BPI: variants seen among roughly 807,000 people sequenced by gnomAD.
BPI encodes bactericidal permeability-increasing protein.
Under a neutral mutation model 57.6 loss-of-function variants are expected in BPI, and 48 were observed. The ratio of observed to expected loss-of-function variants is 0.83; its 90% confidence interval spans 0.66 to 1.06. The LOEUF (loss-of-function observed/expected upper bound fraction) is 1.06. Ranked by LOEUF, BPI falls within the 50% of genes least tolerant of loss-of-function variation. BPI has a pLI of 0.00. For missense variants in BPI, 651 were observed against 609.7 expected (o/e 1.07, Z -0.71); for synonymous variants, 237 against 238.2 (o/e 0.99, Z 0.05).
In BPI at chr20:38,310,626, C is replaced by G. The variant is rs752215717; in HGVS notation, c.510C>G (p.His170Gln). The G allele has an allele frequency of 8.7e-6, 14 of 1,613,718 alleles. No individual in the cohort carries two copies. Among genetic ancestry groups the G allele is most frequent in the Non-Finnish European group, 1.2e-5 (14 of 1,179,732 alleles). The change falls in exon 4 of 15, where the codon CAC becomes CAG. Residue 170 changes from histidine (H) to glutamine (Q), a missense_variant. Coordinates refer to ENST00000642449, the MANE Select transcript of BPI (RefSeq NM_001725.3). The part of the protein sequence containing the change: ...SSCSSHINSV[H>Q]VHISKSKVGW... ...GCAGCAGCCACATCAACAGTGTCCA[C>G]GTGCACATCTCAAAGAGCAAAGTGG...
intron 12 of BPI, among the ~76,000 whole-genome samples, chr20:38,332,097 A>G (rs1475916610): frequency 6.6e-6 from 1 of 152,132 alleles, no homozygotes; most frequent in Non-Finnish European, 1.5e-5. Flanking sequence ...GTGTGTCTGG[A>G]GCAGAGCAAG....
intron 13 of BPI, 21 bp from the exon 14 acceptor site, chr20:38,335,577 C>T (rs1244025068): frequency 1.2e-6 from 2 of 1,608,440 alleles, no homozygotes; most frequent in African/African-American, 1.3e-5. Flanking sequence ...TCCTGGTCCT[C>T]ACCATCGGTC....
chr20:38,322,185 A>ATT (rs199673897), intron 7 of BPI, among the ~76,000 whole-genome samples: 5 of 150,886 alleles, frequency 3.3e-5, no homozygotes, highest in African/African-American at 1.2e-4. Context: ...TGGGCTTTCC[A>ATT]TTTTTTTTTC....
At position 38,317,144 on chromosome 20, in the gene BPI, C is replaced by G. The variant is rs572956746; in HGVS notation, c.601-1269C>G. 3.3e-4 allele frequency among the ~76,000 whole-genome samples: 50 copies of G among 152,234 alleles called. 1 individual carries two copies. Among genetic ancestry groups the G allele is most frequent in the African/African-American group, 1.2e-3 (48 of 41,536 alleles). On this transcript the variant is annotated intron_variant, in intron 5 of 14. Transcript: ENST00000642449. The stretch of plus-strand genomic sequence containing the variant: ...CTGGATTACTGAGGGAAAGGTCATT[C>G]GAGAGCAACATCAGGAGAGGGAGGG...
rs1181183638 is a variant in BPI, at chr20:38,304,164, G to A, written c.-60G>A. 2 of 1,606,688 alleles carry A rather than the reference G, an allele frequency of 1.2e-6. No homozygotes were observed. The highest frequency in any genetic ancestry group is 2.7e-5 in the African/African-American group (2 of 74,628). On this transcript the variant is annotated 5_prime_UTR_variant, in exon 1 of 15. Transcript: ENST00000642449. ...CATTTCCCCAGCCGACTCTTTTATA[G>A]CTCCCTGGTTCAACCTCAAGGCCTT...
chr20:38,323,135 C>G (rs1418493235), intron 7 of BPI, among the ~76,000 whole-genome samples: 1 of 152,140 alleles, frequency 6.6e-6, no homozygotes, highest in Non-Finnish European at 1.5e-5. Context: ...GCCTCTCCCC[C>G]CACCCCAGAA....
intron 10 of BPI, 137 bp from the exon 11 acceptor site, chr20:38,327,451 C>A: frequency 2.4e-6 from 2 of 845,404 alleles, no homozygotes; most frequent in Non-Finnish European, 3.8e-6. Flanking sequence ...TCTCCCCACT[C>A]CTCTGGCTCT....
At chr20:38,312,457 C>T (rs2076626418) in intron 5 of BPI, among the ~76,000 whole-genome samples, 1 of 152,244 alleles carries the variant, frequency 6.6e-6, no homozygotes, top group African/African-American at 2.4e-5. Context: ...AAACCCGCAA[C>T]CCACATACTT....
At chr20:38,311,190 G>A (rs907365765) in intron 4 of BPI, among the ~76,000 whole-genome samples, 1 of 152,210 alleles carries the variant, frequency 6.6e-6, no homozygotes, top group African/African-American at 2.4e-5. Context: ...ACCAAGGCAT[G>A]GAGAGATAGG....
rs1366213603 is a variant in BPI at position 38,319,388 on chromosome 20, A to G, written c.665-795A>G. ...CCTTCACTCCAGAGCCTGGGCTTTC[A>G]GCTGCTCTCAGGACTACCTTGCTGT... On this transcript the variant is annotated intron_variant, in intron 6 of 14. Coordinates refer to ENST00000642449, the MANE Select transcript of BPI (RefSeq NM_001725.3). Among the ~76,000 whole-genome samples the G allele has an allele frequency of 3.3e-5, 5 of 152,240 alleles. No homozygotes were observed. In the East Asian group the frequency reaches 7.7e-4, roughly 23 times the overall value.
At chr20:38,320,679 C>CACACAA (rs2076677316) in intron 7 of BPI, among the ~76,000 whole-genome samples, 1 of 151,190 alleles carries the variant, frequency 6.6e-6, no homozygotes, top group Non-Finnish European at 1.5e-5. Context: ...CACACACACA[C>CACACAA]ACACACACAC....
At chr20:38,324,489 C>G (rs112502995) in intron 8 of BPI, among the ~76,000 whole-genome samples, 1 of 152,144 alleles carries the variant, frequency 6.6e-6, no homozygotes, top group African/African-American at 2.4e-5. Flanking sequence ...GGAAATGGGG[C>G]ATCCTATGAG....
chr20:38,323,720 A>C, intron 7 of BPI, 150 bp from the exon 8 acceptor site: 1 of 811,382 alleles, frequency 1.2e-6, no homozygotes, highest in Middle Eastern at 3.0e-4. Context: ...AATGCCCAGG[A>C]GGCTTTTGAT....
intron 5 of BPI, among the ~76,000 whole-genome samples, chr20:38,315,996 C>T (rs2076650269): frequency 6.6e-6 from 1 of 151,974 alleles, no homozygotes; most frequent in African/African-American, 2.4e-5. Context: ...CCATGCCTGG[C>T]TAATTTTTGT....
chr20:38,305,326 G>A (rs994989921), intron 1 of BPI, among the ~76,000 whole-genome samples: 2 of 152,198 alleles, frequency 1.3e-5, no homozygotes, highest in Non-Finnish European at 2.9e-5. Flanking sequence ...CTCAGTCAGG[G>A]TCTTTAAGTT....
At position 38,331,035 on chromosome 20, in the gene BPI, C is replaced by T. The variant is rs1284554889; in HGVS notation, c.1230-13C>T. The T allele has an allele frequency of 5.0e-6, 8 of 1,613,884 alleles. No homozygotes were observed. The highest frequency in any genetic ancestry group is 6.8e-6 in the Non-Finnish European group (8 of 1,179,906). On this transcript the variant is annotated splice_polypyrimidine_tract_variant and intron_variant, in intron 11 of 14. Coordinates refer to ENST00000642449, the MANE Select transcript of BPI (RefSeq NM_001725.3). ...CAATTGGTGGTCTCAGTCCCCTCCT[C>T]CCCCTCTCACAGGCTGCTCCTGGAA... is the stretch of plus-strand genomic sequence containing the variant.
intron 11 of BPI, among the ~76,000 whole-genome samples, chr20:38,329,977 T>A (rs889490999): frequency 6.6e-6 from 1 of 152,172 alleles, no homozygotes; most frequent in African/African-American, 2.4e-5. Context: ...CTCCCAAAAG[T>A]GCTGGGATTA....
chr20:38,308,319 G>A (rs1395941982), intron 2 of BPI, among the ~76,000 whole-genome samples: 2 of 152,230 alleles, frequency 1.3e-5, no homozygotes, highest in Non-Finnish European at 2.9e-5. Context: ...GAAGATGGAC[G>A]TGAGGTCAAC....
intron 9 of BPI, 31 bp downstream of exon 9, chr20:38,324,864 C>A: frequency 1.3e-6 from 2 of 1,565,408 alleles, no homozygotes; most frequent in South Asian, 2.2e-5. Flanking sequence ...CTTTAGTGAG[C>A]CCCGGGGGTT....
Sources: allele counts gnomAD v4.1 joint callset (sites outside exome capture counted in the v4.1 genomes callset), GRCh38; gene constraint gnomAD v4.1.1; transcripts MANE v1.5; gene names NCBI Gene and HGNC (gene_info 2026-07-23, HGNC 2026-07-21).